The following PSTPIP2 variants were observed in gnomAD, a reference collection of about 807,000 sequenced individuals.
PSTPIP2 encodes the protein proline-serine-threonine phosphatase-interacting protein 2.
In PSTPIP2, 33 loss-of-function variants were observed where a neutral mutation model predicts 63.3. That is an observed-to-expected ratio of 0.52 (90% CI 0.40 to 0.70). The LOEUF (loss-of-function observed/expected upper bound fraction) is 0.70, where lower values mean the gene tolerates loss of function less well. Among genes scored for constraint, PSTPIP2 ranks in the 30% least tolerant of loss-of-function variants. The pLI is 0.00. For synonymous variants in PSTPIP2, 125 were observed against 132.7 expected, an observed-to-expected ratio of 0.94 and a Z score of 0.40; for missense variants, 312 against 400.7, an observed-to-expected ratio of 0.78 and a Z score of 1.89.
At chr18:45,998,097 G>C (rs1027717573) in intron 8 of PSTPIP2, among the ~76,000 whole-genome samples, 1 of 152,168 alleles carries the variant, frequency 6.6e-6, no homozygotes, top group African/African-American at 2.4e-5. Flanking sequence ...AAGCTGATAA[G>C]AAACCTCAGC....
At chr18:46,007,940 A>T (rs778981038) in intron 5 of PSTPIP2, among the ~76,000 whole-genome samples, 1 of 152,206 alleles carries the variant, frequency 6.6e-6, no homozygotes, top group Non-Finnish European at 1.5e-5. Context: ...TGGCAGAGAC[A>T]TCAGGTCCAG....
chr18:46,053,327 G>A (rs1908644532), intron 1 of PSTPIP2, among the ~76,000 whole-genome samples: 1 of 151,970 alleles, frequency 6.6e-6, no homozygotes, highest in Non-Finnish European at 1.5e-5. Context: ...GTTTACTTCA[G>A]GTCCATAACT....
intron 14 of PSTPIP2, 99 bp downstream of exon 14, chr18:45,988,603 G>T: frequency 9.6e-7 from 1 of 1,041,692 alleles, no homozygotes; most frequent in Non-Finnish European, 1.5e-6. Context: ...GCAAGGCCTT[G>T]CTAGTTTGTG....
chr18:46,054,116 A>G (rs1908672147), intron 1 of PSTPIP2, among the ~76,000 whole-genome samples: 1 of 152,214 alleles, frequency 6.6e-6, no homozygotes, highest in Admixed American at 6.5e-5. Context: ...GGTGAGTATT[A>G]TGTATCTAAA....
At chr18:45,992,567 AAAAAAAC>A (rs1206151506) in intron 10 of PSTPIP2, among the ~76,000 whole-genome samples, 3 of 151,474 alleles carry the variant, frequency 2.0e-5, no homozygotes, top group East Asian at 1.9e-4. Flanking sequence ...CGTCTCAAAA[AAAAAAAC>A]AAAAAAACAA....
chr18:45,987,698 C>T (rs1008859293), intron 14 of PSTPIP2, among the ~76,000 whole-genome samples: 1 of 152,032 alleles, frequency 6.6e-6, no homozygotes, highest in Non-Finnish European at 1.5e-5. Context: ...CAAGATAAGC[C>T]CACTGGGGTA....
intron 1 of PSTPIP2, among the ~76,000 whole-genome samples, chr18:46,044,843 G>A (rs1908326506): frequency 6.6e-6 from 1 of 152,196 alleles, no homozygotes; most frequent in African/African-American, 2.4e-5. Flanking sequence ...CAAAAAGTGG[G>A]TGAAGGACAT....
At chr18:46,060,626 T>G (rs575897845) in intron 1 of PSTPIP2, among the ~76,000 whole-genome samples, 1 of 152,330 alleles carries the variant, frequency 6.6e-6, no homozygotes, top group African/African-American at 2.4e-5. Context: ...CATTTTCTGT[T>G]CTCTCAGAAT....
At position 46,021,416 on chromosome 18, in the gene PSTPIP2, T is replaced by C. The variant is rs115447569; in HGVS notation, c.212+3193A>G. Among the ~76,000 whole-genome samples the C allele has an allele frequency of 3.4e-3, 305 of 89,932 alleles. 1 individual carries two copies. Among genetic ancestry groups the C allele is most frequent in the African/African-American group, 8.3e-3 (301 of 36,148 alleles). The allele number at this position is 89,932 out of a possible 152,430, so 59.0% of individuals were successfully genotyped here. On this transcript the variant is annotated intron_variant, in intron 3 of 14. Transcript: ENST00000409746. ...ATATTATTTTAAAACAATTTATATATATATGTGTATGTGTATATATATATA... is the reference window on the plus strand; with the variant it reads ...ATATTATTTTAAAACAATTTATATACATATGTGTATGTGTATATATATATA...
intron 13 of PSTPIP2, among the ~76,000 whole-genome samples, chr18:45,989,237 TG>T (rs142577293): frequency 0.026 from 4,035 of 152,276 alleles, 103 homozygotes; most frequent in South Asian, 0.11. Flanking sequence ...CATCTTGAAT[TG>T]TATCTCCCAT....
At chr18:46,038,000 C>T (rs1485373468) in intron 2 of PSTPIP2, among the ~76,000 whole-genome samples, 2 of 152,174 alleles carry the variant, frequency 1.3e-5, no homozygotes, top group African/African-American at 2.4e-5. Context: ...TTTGGACTAG[C>T]GTTTTTCAAC....
intron 1 of PSTPIP2, among the ~76,000 whole-genome samples, chr18:46,050,466 G>A (rs1385276936): frequency 6.6e-6 from 1 of 152,036 alleles, no homozygotes; most frequent in East Asian, 1.9e-4. Flanking sequence ...CAGCTACCTG[G>A]GATGCTAAGG....
chr18:46,031,600 G>C (rs1599728713), intron 2 of PSTPIP2, among the ~76,000 whole-genome samples: 1 of 152,040 alleles, frequency 6.6e-6, no homozygotes, highest in African/African-American at 2.4e-5. Context: ...TGTATAACAT[G>C]CTACAATGAA....
chr18:45,994,919 C>G (rs2051577924), intron 9 of PSTPIP2, among the ~76,000 whole-genome samples: 1 of 152,098 alleles, frequency 6.6e-6, no homozygotes, highest in Non-Finnish European at 1.5e-5. Flanking sequence ...TACCAACTAC[C>G]TAGCTTTGTC....
intron 7 of PSTPIP2, 57 bp from the exon 8 acceptor site, chr18:45,998,896 G>C: frequency 6.3e-7 from 1 of 1,580,950 alleles, no homozygotes; most frequent in Non-Finnish European, 8.7e-7. Context: ...GCTGGACGAG[G>C]CTTCCACAGG....
intron 10 of PSTPIP2, 81 bp from the exon 11 acceptor site, chr18:45,992,283 C>CG: frequency 8.2e-7 from 1 of 1,226,564 alleles, no homozygotes; most frequent in Non-Finnish European, 1.2e-6. Context: ...GGGTTTGAGG[C>CG]GGGGCGCAGT....
rs1027613015 is a variant in PSTPIP2, at chr18:46,062,529, C to CT, written c.33+9626dup. Among the ~76,000 whole-genome samples the CT allele has an allele frequency of 2.4e-3, 346 of 146,166 alleles. 1 individual carries two copies. Among genetic ancestry groups the CT allele is most frequent in the African/African-American group, 5.1e-3 (206 of 40,226 alleles). ...AAAAGAAACTTGCCCCAGTAAACCA[C>CT]TTTTTTTTTTTTGGAGACGGAGTCT... On this transcript the variant is annotated intron_variant, in intron 1 of 14. Transcript: ENST00000409746.
At chr18:46,014,678 C>T (rs1196976115) in intron 4 of PSTPIP2, among the ~76,000 whole-genome samples, 1 of 152,046 alleles carries the variant, frequency 6.6e-6, no homozygotes, top group Non-Finnish European at 1.5e-5. Context: ...GTGCAGCACT[C>T]CAGCTTGGGT....
At chr18:45,988,156 G>C (rs1321797930) in intron 14 of PSTPIP2, among the ~76,000 whole-genome samples, 2 of 152,140 alleles carry the variant, frequency 1.3e-5, no homozygotes, top group African/African-American at 4.8e-5. Flanking sequence ...AGAGGGCTGG[G>C]CATGGTGGCT....
Sources: gnomAD v4.1 joint callset for allele counts (sites outside exome capture counted in the v4.1 genomes callset) on GRCh38, gnomAD v4.1.1 for gene constraint, MANE v1.5 for transcripts, NCBI Gene and HGNC (gene_info 2026-07-23, HGNC 2026-07-21) for gene names.